EVL: variants seen among roughly 807,000 people sequenced by gnomAD.
EVL encodes Enah/Vasp-like.
In EVL, 21 loss-of-function variants were observed where a neutral mutation model predicts 59.6. The ratio of observed to expected loss-of-function variants is 0.35; its 90% CI spans 0.25 to 0.51. The LOEUF (loss-of-function observed/expected upper bound fraction) is 0.51, where lower values mean the gene tolerates loss of function less well. Ranked by LOEUF, EVL falls within the 20% of genes least tolerant of loss-of-function variation. The pLI, the probability that EVL is intolerant of heterozygous loss-of-function variation, is 0.97. For missense variants in EVL, 462 were observed against 546.6 expected (o/e 0.85, Z 1.54); for synonymous variants, 198 against 203.5 (o/e 0.97, Z 0.23).
chr14:100,049,837 A>G (rs962536087), intron 1 of EVL, among the ~76,000 whole-genome samples: 2 of 152,002 alleles, frequency 1.3e-5, no homozygotes, highest in African/African-American at 2.4e-5. Flanking sequence ...GGCAACCCCA[A>G]TCTACTTTTT....
intron 1 of EVL, among the ~76,000 whole-genome samples, chr14:100,002,254 A>T (rs2060950462): frequency 6.6e-6 from 1 of 152,170 alleles, no homozygotes. Context: ...CTCCAAAGTT[A>T]TCAGAAACCT....
At chr14:100,137,289 G>A (rs945068970) in intron 9 of EVL, 11 of 483,012 alleles carry the variant, frequency 2.3e-5, no homozygotes, top group Admixed American at 1.0e-4. Flanking sequence ...GTGCTTGCTC[G>A]CCCTGTGGCT....
intron 1 of EVL, among the ~76,000 whole-genome samples, chr14:99,983,722 A>T (rs2060823034): frequency 6.6e-6 from 1 of 152,164 alleles, no homozygotes; most frequent in Non-Finnish European, 1.5e-5. Flanking sequence ...TAAATCATGC[A>T]AGTTGATCTC....
intron 3 of EVL, among the ~76,000 whole-genome samples, chr14:100,118,552 G>A (rs1398361703): frequency 6.6e-6 from 1 of 152,172 alleles, no homozygotes; most frequent in Non-Finnish European, 1.5e-5. Context: ...CCTGTAGTGT[G>A]TCCCAGGTAG....
At chr14:100,065,147 G>T (rs736510), upstream of EVL, 124,978 of 164,146 alleles carry the variant, frequency 0.76, 48,823 homozygotes, top group Non-Finnish European at 0.85. Flanking sequence ...CCATGACCTG[G>T]CCCCTACCTC....
At chr14:100,041,417 G>A (rs1314981519) in intron 1 of EVL, among the ~76,000 whole-genome samples, 1 of 152,140 alleles carries the variant, frequency 6.6e-6, no homozygotes, top group Admixed American at 6.5e-5. Context: ...ACTGTCCTGT[G>A]GTGCAAATAT....
chr14:100,133,949 A>AAAC (rs139375937), intron 8 of EVL, among the ~76,000 whole-genome samples: 53 of 151,808 alleles, frequency 3.5e-4, no homozygotes, highest in Non-Finnish European at 6.6e-4. Context: ...AAAACAAAAC[A>AAAC]AACAACAACA....
At chr14:100,099,745 A>ACT (rs1886078762) in intron 3 of EVL, among the ~76,000 whole-genome samples, 1 of 127,434 alleles carries the variant, frequency 7.8e-6, no homozygotes, top group African/African-American at 3.2e-5. Context: ...TTTTTTTTTA[A>ACT]TTTTATTTTA....
At chr14:100,071,403 A>G (rs76481429) in intron 1 of EVL, among the ~76,000 whole-genome samples, 1,927 of 152,296 alleles carry the variant, frequency 0.013, 52 homozygotes, top group African/African-American at 0.044. Context: ...TAATATTACT[A>G]AGACATCATT....
At chr14:100,104,113 G>GTA (rs1886408138) in intron 3 of EVL, among the ~76,000 whole-genome samples, 1 of 152,202 alleles carries the variant, frequency 6.6e-6, no homozygotes, top group African/African-American at 2.4e-5. Flanking sequence ...CTAACACCAA[G>GTA]TAAGTGTTTG....
intron 1 of EVL, among the ~76,000 whole-genome samples, chr14:100,031,668 A>G (rs1465295202): frequency 6.6e-6 from 1 of 152,164 alleles, no homozygotes; most frequent in Non-Finnish European, 1.5e-5. Flanking sequence ...TTTCGTAATA[A>G]TTTACAGACA....
At chr14:99,979,046 A>G (rs765783630) in intron 1 of EVL, among the ~76,000 whole-genome samples, 1 of 152,056 alleles carries the variant, frequency 6.6e-6, no homozygotes, top group Admixed American at 6.5e-5. Context: ...AACAGACTCT[A>G]TGTATTTTCA....
rs1888374796 is a variant in EVL at position 100,130,625 on chromosome 14, T to A, written c.839+941T>A. 1.3e-5 allele frequency among the ~76,000 whole-genome samples: 2 copies of A among 152,166 alleles called. No individual in the cohort carries two copies. The highest frequency in any genetic ancestry group is 2.9e-5 in the Non-Finnish European group (2 of 68,036). On this transcript the variant is annotated intron_variant, in intron 7 of 13. Coordinates refer to ENST00000392920, the MANE Select transcript of EVL (RefSeq NM_016337.3). This position sits in a 1 kb window ranked among gnomAD's most constrained non-coding sequence, Gnocchi z 4.8. ...AGGGTCTTCACACTGCAGTCCTAGT[T>A]CCTCTCATTACCTTCCCGTGGCTCC...
chr14:100,070,427 G>C (rs567946158), intron 1 of EVL, among the ~76,000 whole-genome samples: 1 of 152,200 alleles, frequency 6.6e-6, no homozygotes, highest in Admixed American at 6.5e-5. Flanking sequence ...GGGTAGAATC[G>C]AGGCCCTCCT....
intron 1 of EVL, among the ~76,000 whole-genome samples, chr14:100,035,680 T>G (rs533318148): frequency 8.9e-4 from 135 of 152,148 alleles, no homozygotes; most frequent in Non-Finnish European, 1.5e-3. Context: ...ATTGAGAAAT[T>G]TAAAAGAAAA....
chr14:100,038,197 G>A (rs1015927137), intron 1 of EVL, among the ~76,000 whole-genome samples: 3 of 152,202 alleles, frequency 2.0e-5, no homozygotes, highest in African/African-American at 4.8e-5. Context: ...AAAGCACCAC[G>A]TTGGCCATGT....
At chr14:100,090,116 G>A (rs1021282312) in intron 2 of EVL, among the ~76,000 whole-genome samples, 2 of 152,066 alleles carry the variant, frequency 1.3e-5, no homozygotes, top group South Asian at 2.1e-4. Context: ...TAATGAAATA[G>A]AAAGCAGATG....
chr14:99,976,954 C>T (rs548007999), intron 1 of EVL, among the ~76,000 whole-genome samples: 1 of 152,214 alleles, frequency 6.6e-6, no homozygotes, highest in African/African-American at 2.4e-5. Context: ...TTTTTCCCAG[C>T]GTTTCTAGTT....
chr14:100,059,177 C>T (rs1310882185), intron 1 of EVL, among the ~76,000 whole-genome samples: 1 of 152,180 alleles, frequency 6.6e-6, no homozygotes, highest in Non-Finnish European at 1.5e-5. Context: ...ACTGAATATA[C>T]AAAGGGTACT....
Sources: allele counts gnomAD v4.1 joint callset (sites outside exome capture counted in the v4.1 genomes callset), GRCh38; gene constraint gnomAD v4.1.1; non-coding constraint Gnocchi (gnomAD v3.1); transcripts MANE v1.5; gene names NCBI Gene and HGNC (gene_info 2026-07-23, HGNC 2026-07-21).